The following SBF2 variants were observed in gnomAD, a reference collection of about 807,000 sequenced individuals.
SBF2 encodes myotubularin-related protein 13.
Under a neutral mutation model 225.2 loss-of-function variants are expected in SBF2, and 112 were observed. The observed-to-expected ratio is 0.50, with a 90% CI of 0.43 to 0.58. SBF2 has a LOEUF of 0.58. SBF2 is among the 20% of genes least tolerant of loss of function. The pLI, the probability that SBF2 is intolerant of heterozygous loss-of-function variation, is 0.00. For missense variants in SBF2, 1,996 were observed against 2,206.2 expected, an observed-to-expected ratio of 0.90 and a Z score of 1.91; for synonymous variants, 763 against 773.3, an observed-to-expected ratio of 0.99 and a Z score of 0.22.
chr11:10,180,055 C>T (rs76816130), intron 2 of SBF2, among the ~76,000 whole-genome samples: 14,495 of 152,102 alleles, frequency 0.095, 940 homozygotes, highest in East Asian at 0.29. Flanking sequence ...TACCTCATTG[C>T]TCTGTATATG....
chr11:9,892,967 G>A (rs1309474478), intron 17 of SBF2, among the ~76,000 whole-genome samples: 1 of 152,030 alleles, frequency 6.6e-6, no homozygotes, highest in Non-Finnish European at 1.5e-5. Flanking sequence ...AAGTTCCTAG[G>A]GACCATGTCA....
At chr11:10,117,764 T>C (rs749329284) in intron 2 of SBF2, among the ~76,000 whole-genome samples, 1 of 151,306 alleles carries the variant, frequency 6.6e-6, no homozygotes, top group African/African-American at 2.4e-5. Context: ...GCTATTTCCA[T>C]GTTGTTGGGT....
intron 1 of SBF2, among the ~76,000 whole-genome samples, chr11:10,209,218 C>T (rs1038242593): frequency 6.6e-6 from 1 of 152,030 alleles, no homozygotes; most frequent in Non-Finnish European, 1.5e-5. Context: ...GTAGGCCTTT[C>T]TCATTACACA....
At chr11:10,213,047 C>CAAAAAAAAAAA (rs150317274) in intron 1 of SBF2, among the ~76,000 whole-genome samples, 1 of 134,070 alleles carries the variant, frequency 7.5e-6, no homozygotes, top group Non-Finnish European at 1.6e-5. Flanking sequence ...GACTCTGTCT[C>CAAAAAAAAAAA]AAAAAAAAAA....
intron 22 of SBF2, 70 bp downstream of exon 22, chr11:9,849,953 G>T: frequency 7.2e-7 from 1 of 1,394,406 alleles, no homozygotes; most frequent in Non-Finnish European, 1.0e-6. Context: ...GCAAATCACT[G>T]TGCACAGATG....
chr11:10,141,657 C>T (rs994590159), intron 2 of SBF2, among the ~76,000 whole-genome samples: 2 of 152,126 alleles, frequency 1.3e-5, no homozygotes, highest in African/African-American at 4.8e-5. Context: ...CTTTTGTCAT[C>T]ATATAAATAT....
intron 16 of SBF2, chr11:9,961,666 A>G: frequency 3.3e-6 from 1 of 300,046 alleles, no homozygotes; most frequent in South Asian, 4.2e-5. Context: ...ATTAAGTAAT[A>G]TATAACTGAA....
At chr11:10,079,195 T>C (rs1951256832) in intron 2 of SBF2, among the ~76,000 whole-genome samples, 1 of 152,118 alleles carries the variant, frequency 6.6e-6, no homozygotes, top group Non-Finnish European at 1.5e-5. Flanking sequence ...ACGCCGTAAT[T>C]CTATAGCGAT....
At chr11:9,975,950 A>T (rs1946659176) in intron 13 of SBF2, among the ~76,000 whole-genome samples, 1 of 151,984 alleles carries the variant, frequency 6.6e-6, no homozygotes, top group African/African-American at 2.4e-5. Context: ...TTTGATTTGG[A>T]CTAGTTATTT....
At chr11:10,136,953 T>C (rs953456163) in intron 2 of SBF2, among the ~76,000 whole-genome samples, 9 of 152,242 alleles carry the variant, frequency 5.9e-5, no homozygotes, top group Admixed American at 3.9e-4. Flanking sequence ...AGAAAAATCT[T>C]TGGGGATTTT....
intron 2 of SBF2, among the ~76,000 whole-genome samples, chr11:10,057,452 A>G (rs994614278): frequency 1.3e-5 from 2 of 152,148 alleles, no homozygotes; most frequent in Non-Finnish European, 2.9e-5. Context: ...TCTTTCTCCC[A>G]TGGGTCCCAC....
chr11:10,196,015 C>T (rs1957343027), intron 1 of SBF2, among the ~76,000 whole-genome samples: 1 of 152,168 alleles, frequency 6.6e-6, no homozygotes, highest in Admixed American at 6.5e-5. Context: ...CCTAAAGGAA[C>T]TCATAATCAA....
chr11:10,111,153 T>C (rs1348647307), intron 2 of SBF2, among the ~76,000 whole-genome samples: 1 of 152,178 alleles, frequency 6.6e-6, no homozygotes, highest in Non-Finnish European at 1.5e-5. Context: ...GACATAAAAA[T>C]GAATATTTTA....
chr11:9,849,919 C>G (rs1856801710), intron 22 of SBF2, 104 bp downstream of exon 22: 2 of 1,134,176 alleles, frequency 1.8e-6, no homozygotes, highest in Non-Finnish European at 2.7e-6. Context: ...TGGCAAAAAG[C>G]TGACTTTGGA....
chr11:10,092,607 T>C (rs1309433502), intron 2 of SBF2, among the ~76,000 whole-genome samples: 1 of 152,220 alleles, frequency 6.6e-6, no homozygotes, highest in Non-Finnish European at 1.5e-5. Context: ...ATTCTAGAAC[T>C]AGAAATTAAT....
intron 1 of SBF2, among the ~76,000 whole-genome samples, chr11:10,226,392 CAT>C (rs61250583): frequency 0.054 from 8,144 of 152,090 alleles, 303 homozygotes; most frequent in Middle Eastern, 0.14. Context: ...AGGTTTGTAA[CAT>C]ATGTATACAT....
At chr11:10,208,306 T>C (rs980944520) in intron 1 of SBF2, among the ~76,000 whole-genome samples, 5 of 152,112 alleles carry the variant, frequency 3.3e-5, no homozygotes, top group Non-Finnish European at 5.9e-5. Flanking sequence ...CTCCTCCAGA[T>C]AGATTATGTT....
intron 17 of SBF2, among the ~76,000 whole-genome samples, chr11:9,881,958 A>C (rs1160470085): frequency 6.6e-6 from 1 of 152,206 alleles, no homozygotes; most frequent in Non-Finnish European, 1.5e-5. Context: ...ACTGCACTTC[A>C]GCCTAGGTGA....
rs753098172 is a variant in SBF2, at chr11:10,167,574, G to GAATA, written c.141+26324_141+26327dup. Among the ~76,000 whole-genome samples the GAATA allele has an allele frequency of 1.4e-3, 207 of 151,858 alleles. 1 individual carries two copies. In the East Asian group the frequency reaches 0.018, roughly 13 times the overall value. ...CAGAGCAACACTGTGTCTTCTAAAT[G>GAATA]AATAAATAAATAAATAAATAAAATC... is the stretch of plus-strand genomic sequence containing the variant. On this transcript the variant is annotated intron_variant, in intron 2 of 39. Transcript: ENST00000256190.
Sources: gnomAD v4.1 joint callset for allele counts (sites outside exome capture counted in the v4.1 genomes callset) on GRCh38, gnomAD v4.1.1 for gene constraint, MANE v1.5 for transcripts, NCBI Gene and HGNC (gene_info 2026-07-23, HGNC 2026-07-21) for gene names.